Variants in SREK1 observed in about 807,000 individuals in gnomAD.
SREK1 encodes the protein splicing regulatory glutamic acid and lysine rich protein 1.
In SREK1, 13 loss-of-function variants were observed where a neutral mutation model predicts 66.5. The ratio of observed to expected loss-of-function variants is 0.20; its 90% CI spans 0.13 to 0.31. The LOEUF (loss-of-function observed/expected upper bound fraction) is 0.31, where lower values mean the gene tolerates loss of function less well. SREK1 is among the 10% of genes least tolerant of loss of function. The pLI is 1.00. For missense variants in SREK1, 607 were observed against 769.6 expected, an observed-to-expected ratio of 0.79 and a Z score of 2.50; for synonymous variants, 265 against 263.5, an observed-to-expected ratio of 1.01 and a Z score of -0.05.
At chr5:66,152,639 A>G in intron 1 of SREK1, among the ~76,000 whole-genome samples, 1 of 152,304 alleles carries the variant, frequency 6.6e-6, no homozygotes, top group East Asian at 1.9e-4. Context: ...TTTCAAATAG[A>G]TTTTAATATA....
chr5:66,159,147 A>T, intron 2 of SREK1, 72 bp from the exon 3 acceptor site: 1 of 1,535,384 alleles, frequency 6.5e-7, no homozygotes, highest in East Asian at 2.3e-5. Context: ...CTGCAAGGGT[A>T]ATTGTAAAAT....
chr5:66,174,913 T>A (rs1240546301), intron 9 of SREK1, 33 bp from the exon 10 acceptor site: 4 of 1,590,628 alleles, frequency 2.5e-6, no homozygotes, highest in African/African-American at 1.3e-5. Context: ...TTTCAATTGC[T>A]GTTTTTAAAA....
chr5:66,175,934 T>C (rs1025209868), intron 10 of SREK1, among the ~76,000 whole-genome samples: 9 of 152,164 alleles, frequency 5.9e-5, no homozygotes, highest in Non-Finnish European at 1.3e-4. Context: ...CAAAGGTTTT[T>C]CATTTTTAAA....
chr5:66,145,204 C>G (rs1056324568), intron 1 of SREK1: 1 of 974,016 alleles, frequency 1.0e-6, no homozygotes, highest in Non-Finnish European at 1.2e-6. Context: ...GCAGGGTTAT[C>G]CCTCCCGTAT....
At chr5:66,161,333 T>G (rs1744744322) in intron 3 of SREK1, among the ~76,000 whole-genome samples, 1 of 152,252 alleles carries the variant, frequency 6.6e-6, no homozygotes, top group Non-Finnish European at 1.5e-5. Flanking sequence ...GGAGCACTTT[T>G]GTGGTCGTTC....
intron 1 of SREK1, among the ~76,000 whole-genome samples, chr5:66,150,018 A>G (rs1743636227): frequency 6.6e-6 from 1 of 152,136 alleles, no homozygotes; most frequent in Non-Finnish European, 1.5e-5. Context: ...CATACCTATT[A>G]TGTACTCATC....
In SREK1 at chr5:66,163,936, G is replaced by A. The variant is rs772548743; in HGVS notation, c.886+14G>A. The stretch of plus-strand genomic sequence containing the variant: ...CTATTGAACCAGGTAAGTACATAAC[G>A]TTGTTACATAGGTCATAGTTTAAAG... On this transcript the variant is annotated intron_variant, in intron 6 of 11. Coordinates refer to ENST00000334121, the MANE Select transcript of SREK1 (RefSeq NM_001077199.3). 5.0e-6 allele frequency: 8 copies of A among 1,609,882 alleles called. No homozygotes were observed. Among genetic ancestry groups the A allele is most frequent in the African/African-American group, 2.7e-5 (2 of 74,888 alleles).
chr5:66,174,906 C>T (rs749024428), intron 9 of SREK1, 40 bp from the exon 10 acceptor site: 1 of 1,578,522 alleles, frequency 6.3e-7, no homozygotes, highest in Admixed American at 1.7e-5. Flanking sequence ...CCGTTTATTT[C>T]AATTGCTGTT....
chr5:66,156,402 C>G, intron 2 of SREK1: 1 of 1,136,608 alleles, frequency 8.8e-7, no homozygotes, highest in Non-Finnish European at 1.1e-6. Flanking sequence ...ATTAGTAGAG[C>G]TCAACCTTAA....
chr5:66,177,620 G>A lies in SREK1; in HGVS notation c.1687G>A (p.Gly563Arg). Reference sequence around the variant, plus strand: ...GAGAAAGAGTTCTAATGATAGAGATGGGAAGGAGAAGTTGGAGAAGAACAG... The same window carrying A: ...GAGAAAGAGTTCTAATGATAGAGATAGGAAGGAGAAGTTGGAGAAGAACAG... ...SMRKSSNDRDGKEKLEKNSTS... is the reference protein window; with the variant it reads ...SMRKSSNDRDRKEKLEKNSTS... Residue 563 changes from glycine (G) to arginine (R), a missense_variant, in exon 11 of 12, where the codon GGG becomes AGG. Coordinates refer to ENST00000334121, the MANE Select transcript of SREK1 (RefSeq NM_001077199.3). The A allele has an allele frequency of 6.2e-7, 1 of 1,608,136 alleles. No individual in the cohort carries two copies. Among genetic ancestry groups the A allele is most frequent in the Non-Finnish European group, 8.5e-7 (1 of 1,177,700 alleles).
At chr5:66,144,608 A>AGAGCGCGGACGC in intron 1 of SREK1, 71 bp downstream of exon 1, 2 of 1,481,900 alleles carry the variant, frequency 1.3e-6, no homozygotes, top group Non-Finnish European at 1.8e-6. Context: ...GGCGTGGAGG[A>AGAGCGCGGACGC]GAGCGCGGAC....
rs371348325 is a variant in SREK1, at chr5:66,170,923, C to T, written c.1460C>T (p.Ser487Leu). The change falls in exon 9 of 12, where the codon TCG (serine) becomes TTG (leucine). Residue 487 changes from serine (S) to leucine (L), a missense_variant. This residue lies in a region of SREK1 where 318 missense variants were observed against 310.3 expected (regional missense o/e 1.02). Transcript: ENST00000334121. ...ACACCACCCAGGAGTTACAATGCAT[C>T]GCGAAGATCTCGTAGTTCCAGCAGG... ...SRTPPRSYNA[S>L]RRSRSSSRER... 39 of 1,606,402 alleles carry T rather than the reference C, an allele frequency of 2.4e-5. No individual in the cohort carries two copies. The East Asian group carries it at 3.6e-4, about 15-fold the overall frequency.
intron 1 of SREK1, 61 bp downstream of exon 1, chr5:66,144,598 G>A (rs1173579161): frequency 6.7e-7 from 1 of 1,500,014 alleles, no homozygotes; most frequent in African/African-American, 1.4e-5. Flanking sequence ...CGGGAGCCGA[G>A]GCGTGGAGGA....
chr5:66,157,074 C>T, intron 2 of SREK1: 3 of 973,272 alleles, frequency 3.1e-6, no homozygotes, highest in Middle Eastern at 5.3e-4. Flanking sequence ...AGTACTTTTG[C>T]CATTACCTTT....
intron 3 of SREK1, among the ~76,000 whole-genome samples, chr5:66,161,003 A>G (rs892579467): frequency 2.0e-5 from 3 of 152,246 alleles, no homozygotes; most frequent in African/African-American, 7.2e-5. Flanking sequence ...TGCTATAGAA[A>G]GATCATTCAA....
intron 2 of SREK1, among the ~76,000 whole-genome samples, chr5:66,155,691 G>GT (rs879333383): frequency 6.6e-6 from 1 of 152,144 alleles, no homozygotes; most frequent in East Asian, 1.9e-4. Flanking sequence ...AATTTAAGAA[G>GT]TTTTTTCAGT....
intron 8 of SREK1, among the ~76,000 whole-genome samples, 155 bp downstream of exon 8, chr5:66,170,325 A>G (rs753022630): frequency 9.9e-5 from 15 of 152,194 alleles, no homozygotes; most frequent in Non-Finnish European, 2.2e-4. Context: ...TTAGTAATCT[A>G]GGATTAATAT....
intron 1 of SREK1, among the ~76,000 whole-genome samples, chr5:66,147,973 T>C (rs1743413762): frequency 6.6e-6 from 1 of 152,086 alleles, no homozygotes; most frequent in African/African-American, 2.4e-5. Context: ...GATTAGTAAT[T>C]TCTGAGTGTA....
In SREK1 at chr5:66,164,321, C is replaced by T. The variant is rs1343385325; in HGVS notation, c.886+399C>T. ...AGAGCCCGTGATTTAGAAAAAAATACAGATACTGTATTTTAGTAAGGTAAA... is the reference window on the plus strand; with the variant it reads ...AGAGCCCGTGATTTAGAAAAAAATATAGATACTGTATTTTAGTAAGGTAAA... On this transcript the variant is annotated intron_variant, in intron 6 of 11. Transcript: ENST00000334121. The T allele has an allele frequency of 3.3e-5, 9 of 272,024 alleles. No homozygotes were observed. The East Asian group carries it at 9.1e-4, about 28-fold the overall frequency. 16.9% of individuals were successfully genotyped at this position (272,024 alleles called of 1,614,324 possible). A position where few individuals can be genotyped will look rare whatever the true frequency, so the allele number is the denominator to read the frequency against.
Sources: allele counts gnomAD v4.1 joint callset (sites outside exome capture counted in the v4.1 genomes callset), GRCh38; gene constraint gnomAD v4.1.1; regional missense constraint gnomAD v4.1.1; transcripts MANE v1.5; gene names NCBI Gene and HGNC (gene_info 2026-07-23, HGNC 2026-07-21).